The following CDH18 variants were observed in gnomAD, a reference collection of about 807,000 sequenced individuals.
CDH18 encodes cadherin-18.
CDH18 carries 31 observed loss-of-function variants against 67.9 expected under a neutral mutation model. The ratio of observed to expected loss-of-function variants is 0.46; its 90% CI spans 0.34 to 0.62. CDH18 has a LOEUF of 0.62. CDH18 is among the 20% of genes least tolerant of loss of function. CDH18 has a pLI of 0.01. For missense variants in CDH18, 890 were observed against 975.5 expected (o/e 0.91, Z 1.17); for synonymous variants, 362 against 347.2 (o/e 1.04, Z -0.48).
chr5:20,470,814 T>C (rs1416139032), intron 1 of CDH18, among the ~76,000 whole-genome samples: 1 of 152,222 alleles, frequency 6.6e-6, no homozygotes, highest in Non-Finnish European at 1.5e-5. Context: ...GACTTAGCAC[T>C]GTATGCGCCA....
At chr5:19,964,676 G>T (rs1203135273) in intron 2 of CDH18, among the ~76,000 whole-genome samples, 1 of 148,716 alleles carries the variant, frequency 6.7e-6, no homozygotes, top group Non-Finnish European at 1.5e-5. Flanking sequence ...AAAAAAGAAA[G>T]AAAAGACCTT....
chr5:20,560,237 C>A (rs540165586), intron 1 of CDH18, among the ~76,000 whole-genome samples: 12 of 152,138 alleles, frequency 7.9e-5, no homozygotes, highest in East Asian at 5.8e-4. Flanking sequence ...TTCTTATGGA[C>A]TTTCATGACT....
Position 20,470,822 on chromosome 5 carries a change from C to T in CDH18, c.-580+104640G>A, listed in dbSNP as rs567432209. Among the ~76,000 whole-genome samples, 7 of 152,312 alleles carry T rather than the reference C, an allele frequency of 4.6e-5. No homozygotes were observed. In the South Asian group the frequency reaches 1.4e-3, roughly 32 times the overall value. ...ACCCCCGGACTTAGCACTGTATGCG[C>T]CAAGCTATTCCAAGTAGGGACCTGC... On this transcript the variant is annotated intron_variant, in intron 1 of 14. Transcript: ENST00000507958.
At chr5:19,755,821 C>G (rs1771531999) in intron 3 of CDH18, among the ~76,000 whole-genome samples, 2 of 151,800 alleles carry the variant, frequency 1.3e-5, no homozygotes, top group Admixed American at 1.3e-4. Flanking sequence ...GCCAGTCTCC[C>G]CTTTTCACGT....
At chr5:20,041,311 A>G (rs1198731244) in intron 2 of CDH18, among the ~76,000 whole-genome samples, 2 of 152,166 alleles carry the variant, frequency 1.3e-5, no homozygotes, top group African/African-American at 2.4e-5. Context: ...AGTTCTTACT[A>G]TTATATTTGC....
intron 2 of CDH18, among the ~76,000 whole-genome samples, chr5:19,943,201 G>C (rs1484123646): frequency 6.6e-6 from 1 of 152,040 alleles, no homozygotes; most frequent in African/African-American, 2.4e-5. Flanking sequence ...TTGTTGTTTG[G>C]GGGGGTAAGA....
intron 2 of CDH18, among the ~76,000 whole-genome samples, chr5:19,899,217 T>A (rs190567434): frequency 1.3e-5 from 2 of 151,886 alleles, no homozygotes; most frequent in Non-Finnish European, 2.9e-5. Flanking sequence ...CTGACCAACA[T>A]GGAGAAACCC....
chr5:19,643,513 C>T (rs1200358046), intron 5 of CDH18, among the ~76,000 whole-genome samples: 1 of 152,122 alleles, frequency 6.6e-6, no homozygotes. Context: ...AGAAGGAAAT[C>T]TGCCACTTCC....
intron 3 of CDH18, among the ~76,000 whole-genome samples, chr5:19,828,009 A>AT (rs1391441789): frequency 1.3e-5 from 2 of 152,172 alleles, no homozygotes; most frequent in Non-Finnish European, 2.9e-5. Flanking sequence ...GAAAAGATCC[A>AT]TATAAACACA....
At chr5:20,004,608 T>A (rs770205529) in intron 2 of CDH18, among the ~76,000 whole-genome samples, 1 of 152,216 alleles carries the variant, frequency 6.6e-6, no homozygotes, top group South Asian at 2.1e-4. Flanking sequence ...GGAACAATTA[T>A]TAACTTTGGA....
At chr5:19,480,574 T>C (rs890896626) in intron 12 of CDH18, among the ~76,000 whole-genome samples, 4 of 151,822 alleles carry the variant, frequency 2.6e-5, no homozygotes, top group African/African-American at 9.7e-5. Flanking sequence ...AGACAGGGTT[T>C]CACCGTGTTA....
chr5:19,916,924 C>T (rs191747412), intron 2 of CDH18, among the ~76,000 whole-genome samples: 2 of 152,126 alleles, frequency 1.3e-5, no homozygotes, highest in African/African-American at 4.8e-5. Flanking sequence ...CCCCATTAAT[C>T]AAGATGTCAC....
intron 2 of CDH18, among the ~76,000 whole-genome samples, chr5:20,178,981 A>G (rs1737985113): frequency 6.6e-6 from 1 of 152,156 alleles, no homozygotes; most frequent in African/African-American, 2.4e-5. Context: ...AAGGACAGGT[A>G]AGACCTAGTG....
chr5:19,597,055 A>G (rs1375220398), intron 6 of CDH18, among the ~76,000 whole-genome samples: 2 of 152,228 alleles, frequency 1.3e-5, no homozygotes, highest in Non-Finnish European at 2.9e-5. Flanking sequence ...CTAGGTTACA[A>G]AAAGACTGTG....
At chr5:19,972,069 A>G (rs1406928232) in intron 2 of CDH18, among the ~76,000 whole-genome samples, 3 of 152,120 alleles carry the variant, frequency 2.0e-5, no homozygotes, top group Non-Finnish European at 4.4e-5. Flanking sequence ...CAAAGATGAT[A>G]CAAAGAAAAT....
chr5:19,764,263 G>A lies in CDH18; in HGVS notation c.229-17027C>T, dbSNP rs1772776580. Among the ~76,000 whole-genome samples, 3 of 151,568 alleles carry A rather than the reference G, an allele frequency of 2.0e-5. No homozygotes were observed. The South Asian group carries it at 6.2e-4, about 32-fold the overall frequency. On this transcript the variant is annotated intron_variant, in intron 3 of 12. Transcript: ENST00000382275. The stretch of plus-strand genomic sequence containing the variant: ...GATTATTTGAGAGACAAAAAGGAAT[G>A]TAAAGATCTGGCTGGAGGGTAAATA...
At chr5:19,742,528 T>C (rs962827291) in intron 4 of CDH18, among the ~76,000 whole-genome samples, 40 of 152,202 alleles carry the variant, frequency 2.6e-4, no homozygotes, top group African/African-American at 9.4e-4. Context: ...TCACCAAGCA[T>C]TATTTAAGAT....
intron 3 of CDH18, among the ~76,000 whole-genome samples, chr5:19,787,565 G>A (rs1775941031): frequency 6.6e-6 from 1 of 151,994 alleles, no homozygotes. Flanking sequence ...GAAGGTACAT[G>A]TGCATATAAG....
At chr5:20,375,944 T>A (rs1475142709) in intron 1 of CDH18, among the ~76,000 whole-genome samples, 2 of 152,022 alleles carry the variant, frequency 1.3e-5, no homozygotes, top group African/African-American at 4.8e-5. Flanking sequence ...AAATTTGACA[T>A]TAATTTATTC....
Sources: allele counts gnomAD v4.1 joint callset (sites outside exome capture counted in the v4.1 genomes callset), GRCh38; gene constraint gnomAD v4.1.1; transcripts MANE v1.5; gene names NCBI Gene and HGNC (gene_info 2026-07-23, HGNC 2026-07-21).